GRM4: variants seen among roughly 807,000 people sequenced by gnomAD.
The protein encoded by GRM4 is metabotropic glutamate receptor 4.
GRM4 carries 28 observed loss-of-function variants against 81.7 expected under a neutral mutation model. The ratio of observed to expected loss-of-function variants is 0.34; its 90% CI spans 0.25 to 0.47. The LOEUF (loss-of-function observed/expected upper bound fraction) is 0.47. GRM4 is among the 20% of genes least tolerant of loss of function. The pLI is 1.00. For synonymous variants in GRM4, 488 were observed against 528.8 expected (o/e 0.92, Z 1.06); for missense variants, 948 against 1,290.0 (o/e 0.73, Z 4.06).
chr6:34,119,628 C>T (rs1769724223), intron 2 of GRM4, among the ~76,000 whole-genome samples: 1 of 152,206 alleles, frequency 6.6e-6, no homozygotes, highest in Non-Finnish European at 1.5e-5. Flanking sequence ...AGGAGTCTGT[C>T]CTGCAGAGAC....
Position 34,090,291 on chromosome 6 carries a change from A to G in GRM4, c.736+1592T>C, listed in dbSNP as rs1160823259. On this transcript the variant is annotated intron_variant, in intron 3 of 10. Coordinates refer to ENST00000538487, the MANE Select transcript of GRM4 (RefSeq NM_000841.4). This position sits in a 1 kb window ranked among gnomAD's most constrained non-coding sequence, Gnocchi z 5.2. ...ATACCTTTGCCCCTAAATCCTGCAG[A>G]GGTCATGCATTAAACAGAAAAGGTA... Among the ~76,000 whole-genome samples the G allele has an allele frequency of 6.6e-6, 1 of 152,158 alleles. No homozygotes were observed. Among genetic ancestry groups the G allele is most frequent in the Non-Finnish European group, 1.5e-5 (1 of 68,018 alleles).
upstream of GRM4, among the ~76,000 whole-genome samples, chr6:34,150,292 G>A (rs1771019297): frequency 6.6e-6 from 1 of 152,198 alleles, no homozygotes; most frequent in South Asian, 2.1e-4. Context: ...GGACTAAGCA[G>A]GAGCAGGTAG....
intron 2 of GRM4, among the ~76,000 whole-genome samples, chr6:34,113,124 T>TCCTTC (rs987033098): frequency 4.0e-5 from 6 of 151,602 alleles, no homozygotes; most frequent in Non-Finnish European, 5.9e-5. Context: ...CCTTCCTTCC[T>TCCTTC]CCTTCCCTTC....
intron 3 of GRM4, among the ~76,000 whole-genome samples, chr6:34,066,396 C>T (rs187107747): frequency 2.6e-5 from 4 of 152,236 alleles, no homozygotes; most frequent in African/African-American, 9.6e-5. Context: ...ATGACAAATC[C>T]TGAAATCATA....
chr6:34,022,968 G>T lies in GRM4; in HGVS notation c.2690-98C>A. The stretch of plus-strand genomic sequence containing the variant: ...CAGCCCTGCACAAGAACCTACCATA[G>T]CTCCCCGCCTCTCATGGCATCCAGT... On this transcript the variant is annotated intron_variant, in intron 10 of 10. Coordinates refer to ENST00000538487, the MANE Select transcript of GRM4 (RefSeq NM_000841.4). This position sits in a 1 kb window ranked among gnomAD's most constrained non-coding sequence, Gnocchi z 5.6. The T allele has an allele frequency of 1.1e-6, 1 of 903,450 alleles. No homozygotes were observed. 56.0% of individuals were successfully genotyped at this position (903,450 alleles called of 1,614,324 possible).
chr6:34,024,612 C>T lies in GRM4; in HGVS notation c.2690-1742G>A, dbSNP rs186332891. 1.8e-5 allele frequency: 8 copies of T among 454,624 alleles called. No individual in the cohort carries two copies. The East Asian group carries it at 5.6e-4, about 32-fold the overall frequency. 28.2% of individuals were successfully genotyped at this position (454,624 alleles called of 1,614,324 possible). A position where few individuals can be genotyped will look rare whatever the true frequency, so the allele number is the denominator to read the frequency against. On this transcript the variant is annotated intron_variant, in intron 10 of 10. Coordinates refer to ENST00000538487, the MANE Select transcript of GRM4 (RefSeq NM_000841.4). ...AGGATGGGGTGAGCAGAGGGGTCCA[C>T]CATGGGACCAGTAGGGAGGCATGAA...
At chr6:34,086,142 C>T (rs1767876047) in intron 3 of GRM4, among the ~76,000 whole-genome samples, 1 of 152,248 alleles carries the variant, frequency 6.6e-6, no homozygotes, top group Non-Finnish European at 1.5e-5. Context: ...CAGATCTCCA[C>T]CTCATCCCCG....
rs1460322354 is a variant in GRM4, at chr6:34,047,702, A to AATG, written c.1169-6957_1169-6955dup. Among the ~76,000 whole-genome samples the AATG allele has an allele frequency of 3.9e-5, 6 of 152,282 alleles. No homozygotes were observed. Among genetic ancestry groups the AATG allele is most frequent in the African/African-American group, 1.4e-4 (6 of 41,544 alleles). ...ACACCAACTCCTTCCAGTCCCAGTG[A>AATG]ATGATGCATCCAGGTGTTTCGAGGG... On this transcript the variant is annotated intron_variant, in intron 6 of 10. Coordinates refer to ENST00000538487, the MANE Select transcript of GRM4 (RefSeq NM_000841.4). The surrounding 1 kb of genome is among the most constrained non-coding windows in gnomAD (Gnocchi z 4.5).
At position 34,036,232 on chromosome 6, in the gene GRM4, G is replaced by A. The variant is rs1250569516; in HGVS notation, c.1878C>T (p.Ser626=). The A allele has an allele frequency of 6.2e-7, 1 of 1,614,044 alleles. No individual in the cohort carries two copies. Among genetic ancestry groups the A allele is most frequent in the African/African-American group, 1.3e-5 (1 of 74,932 alleles). ...PIVKASGREL[S]YVLLAGIFLC... ...GGAAGATGCCTGCCAGCAGCACGTA[G>A]CTCAGTTCACGGCCCGAGGCCTTGA... The change falls in exon 9 of 11, where the codon AGC becomes AGT. Residue 626 remains serine (S), a synonymous_variant. Transcript: ENST00000538487. The surrounding 1 kb of genome is among the most constrained non-coding windows in gnomAD (Gnocchi z 9.0).
chr6:34,116,938 T>C (rs1769624329), intron 2 of GRM4, among the ~76,000 whole-genome samples: 1 of 152,126 alleles, frequency 6.6e-6, no homozygotes. Context: ...CACGATTCTG[T>C]TACGTGAGGC....
chr6:34,142,831 G>T (rs1057485666), intron 1 of GRM4, among the ~76,000 whole-genome samples: 3 of 152,340 alleles, frequency 2.0e-5, no homozygotes, highest in Non-Finnish European at 2.9e-5. Context: ...AGGAGGGGGG[G>T]AGGAGGAGCG....
rs143737236 is a variant in GRM4 at position 34,111,388 on chromosome 6, G to GCACACACA, written c.520-19297_520-19290dup. ...CTTGGTGGTAAGTACAACCAACCGT[G>GCACACACA]CACACACACACACACACACACACAA... On this transcript the variant is annotated intron_variant, in intron 2 of 10. Transcript: ENST00000538487. The surrounding 1 kb of genome is among the most constrained non-coding windows in gnomAD (Gnocchi z 5.1). Among the ~76,000 whole-genome samples, 2 of 133,820 alleles carry GCACACACA rather than the reference G, an allele frequency of 1.5e-5. No homozygotes were observed. Among genetic ancestry groups the GCACACACA allele is most frequent in the African/African-American group, 2.8e-5 (1 of 35,942 alleles). The allele number at this position is 133,820 out of a possible 152,430, so 87.8% of individuals were successfully genotyped here.
chr6:34,154,753 C>A (rs886680064), intron 1 of GRM4, among the ~76,000 whole-genome samples: 1 of 152,008 alleles, frequency 6.6e-6, no homozygotes, highest in African/African-American at 2.4e-5. Flanking sequence ...GAAGGGAGTG[C>A]CACTGCCCCG....
intron 1 of GRM4, among the ~76,000 whole-genome samples, chr6:34,140,092 A>G (rs1345049804): frequency 1.3e-5 from 2 of 152,250 alleles, no homozygotes; most frequent in African/African-American, 4.8e-5. Flanking sequence ...GGGACAGGGA[A>G]TGACCCAGAA....
Position 34,113,145 on chromosome 6 carries a change from CTCCCTTCCTTCCTTTCTTTTCATT to C in GRM4, c.519+19809_519+19832del, listed in dbSNP as rs1397781714. Among the ~76,000 whole-genome samples the C allele has an allele frequency of 1.1e-4, 16 of 151,456 alleles. No individual in the cohort carries two copies. In the East Asian group the frequency reaches 2.9e-3, roughly 28 times the overall value. Reference sequence around the variant, plus strand: ...TTCCTCCTTCCCTTCCCTTCCCTCCCTCCCTTCCTTCCTTTCTTTTCATTTCTTTCTATTTTAGAGATGTTGCCC... The same window carrying C: ...TTCCTCCTTCCCTTCCCTTCCCTCCCTCTTTCTATTTTAGAGATGTTGCCC... On this transcript the variant is annotated intron_variant, in intron 2 of 10. Transcript: ENST00000538487.
intron 6 of GRM4, chr6:34,054,445 T>C (rs1474750267): frequency 1.3e-5 from 2 of 152,250 alleles, no homozygotes; most frequent in African/African-American, 2.4e-5. Context: ...ATTACAGGCA[T>C]GTGCCACCAC....
chr6:34,029,789 G>A (rs200843134), intron 9 of GRM4, among the ~76,000 whole-genome samples: 12 of 152,210 alleles, frequency 7.9e-5, no homozygotes, highest in African/African-American at 2.9e-4. Context: ...GGGGACACGG[G>A]GGCATGACCG....
chr6:34,101,018 T>C (rs1301640056), intron 2 of GRM4, among the ~76,000 whole-genome samples: 1 of 152,196 alleles, frequency 6.6e-6, no homozygotes, highest in Non-Finnish European at 1.5e-5. Flanking sequence ...ACCTCACCTA[T>C]GCTGACAGAC....
At chr6:34,145,703 T>C (rs1289208596) in intron 1 of GRM4, among the ~76,000 whole-genome samples, 1 of 152,162 alleles carries the variant, frequency 6.6e-6, no homozygotes, top group Non-Finnish European at 1.5e-5. Flanking sequence ...CCGCAGCCGC[T>C]TGCCCCGGCG....
Sources: gnomAD v4.1 joint callset for allele counts (sites outside exome capture counted in the v4.1 genomes callset) on GRCh38, gnomAD v4.1.1 for gene constraint, Gnocchi (gnomAD v3.1) non-coding constraint, MANE v1.5 for transcripts, NCBI Gene and HGNC (gene_info 2026-07-23, HGNC 2026-07-21) for gene names.